PRPSAP2: variants seen among roughly 807,000 people sequenced by gnomAD.
PRPSAP2 encodes phosphoribosyl pyrophosphate synthetase associated protein 2.
Under a neutral mutation model 40.6 loss-of-function variants are expected in PRPSAP2, and 24 were observed. That is an observed-to-expected ratio of 0.59 (90% CI 0.43 to 0.83). The LOEUF (loss-of-function observed/expected upper bound fraction) is 0.83, where lower values mean the gene tolerates loss of function less well. PRPSAP2 is among the 40% of genes least tolerant of loss of function. PRPSAP2 has a pLI of 0.00. For missense variants in PRPSAP2, 292 were observed against 465.6 expected, an observed-to-expected ratio of 0.63 and a Z score of 3.43; for synonymous variants, 149 against 164.7, an observed-to-expected ratio of 0.90 and a Z score of 0.73.
intron 7 of PRPSAP2, among the ~76,000 whole-genome samples, chr17:18,885,403 C>CAAAAA (rs775079199): frequency 0.022 from 234 of 10,580 alleles, 66 homozygotes; most frequent in Non-Finnish European, 0.036. Flanking sequence ...TTCCTTCTCA[C>CAAAAA]AAAAAAAAAA....
intron 9 of PRPSAP2, 114 bp from the exon 10 acceptor site, chr17:18,923,798 AAT>A: frequency 1.0e-6 from 1 of 961,522 alleles, no homozygotes; most frequent in Non-Finnish European, 1.5e-6. Flanking sequence ...AGATTGAGGA[AAT>A]TCCCTTGTAT....
At chr17:18,870,247 G>A (rs2037761971) in intron 4 of PRPSAP2, among the ~76,000 whole-genome samples, 1 of 152,032 alleles carries the variant, frequency 6.6e-6, no homozygotes, top group South Asian at 2.1e-4. Context: ...TTGAAATTAA[G>A]TGCAGGCCGG....
chr17:18,880,611 G>A (rs1419142378), intron 6 of PRPSAP2, among the ~76,000 whole-genome samples: 1 of 152,086 alleles, frequency 6.6e-6, no homozygotes, highest in African/African-American at 2.4e-5. Flanking sequence ...GTCTCACCAT[G>A]TGGCCCAGGC....
chr17:18,909,766 G>A (rs966314796), intron 8 of PRPSAP2, among the ~76,000 whole-genome samples: 6 of 151,892 alleles, frequency 4.0e-5, no homozygotes, highest in Admixed American at 6.6e-5. Flanking sequence ...TTAGCCAGGC[G>A]TGGTGGCACG....
intron 8 of PRPSAP2, among the ~76,000 whole-genome samples, chr17:18,903,277 A>C (rs1484293839): frequency 6.6e-6 from 1 of 151,476 alleles, no homozygotes; most frequent in East Asian, 1.9e-4. Flanking sequence ...GTGCCATTGC[A>C]CTCCAGCCTA....
intron 7 of PRPSAP2, among the ~76,000 whole-genome samples, chr17:18,887,519 G>A (rs78688343): frequency 0.085 from 13,006 of 152,170 alleles, 643 homozygotes; most frequent in African/African-American, 0.13. Context: ...ATGAGCCACC[G>A]TGCCTGGCCA....
At chr17:18,874,633 C>T (rs1340776588) in intron 5 of PRPSAP2, among the ~76,000 whole-genome samples, 1 of 152,174 alleles carries the variant, frequency 6.6e-6, no homozygotes, top group Non-Finnish European at 1.5e-5. Flanking sequence ...TGCCACGGTG[C>T]CCTAGCTTCA....
chr17:18,885,771 G>A (rs910830796), intron 7 of PRPSAP2, among the ~76,000 whole-genome samples: 3 of 152,022 alleles, frequency 2.0e-5, no homozygotes, highest in African/African-American at 7.2e-5. Flanking sequence ...ATTTTTAGTA[G>A]AGACAGGGTT....
intron 9 of PRPSAP2, among the ~76,000 whole-genome samples, chr17:18,914,445 A>C (rs960290530): frequency 3.4e-5 from 5 of 146,518 alleles, no homozygotes; most frequent in South Asian, 4.3e-4. Flanking sequence ...TTTTTGGTAG[A>C]GACGGGGTCT....
chr17:18,905,054 G>A (rs1204730803), intron 8 of PRPSAP2: 2 of 152,096 alleles, frequency 1.3e-5, no homozygotes, highest in Non-Finnish European at 2.9e-5. Context: ...ACAGAGTCTT[G>A]CTGTTGTCGC....
rs532539232 is a variant in PRPSAP2, at chr17:18,885,922, C to A, written c.528+3239C>A. Among the ~76,000 whole-genome samples the A allele has an allele frequency of 1.0e-3, 153 of 152,140 alleles. 1 individual carries two copies. The highest frequency in any genetic ancestry group is 3.3e-3 in the African/African-American group (138 of 41,486). On this transcript the variant is annotated intron_variant, in intron 7 of 11. Transcript: ENST00000268835. ...GTTTTTAGTAGAGATAGGGTTTCAC[C>A]GTGTTGGCCAGGCTGGTCTTGAACT...
chr17:18,921,088 T>A (rs963752440), intron 9 of PRPSAP2, among the ~76,000 whole-genome samples: 3 of 152,078 alleles, frequency 2.0e-5, no homozygotes, highest in Non-Finnish European at 4.4e-5. Context: ...CCTCCCAGGC[T>A]CAAGCGATTT....
At chr17:18,885,306 A>G (rs1427203779) in intron 7 of PRPSAP2, among the ~76,000 whole-genome samples, 1 of 146,654 alleles carries the variant, frequency 6.8e-6, no homozygotes, top group African/African-American at 2.5e-5. Context: ...GAGGATGAGA[A>G]GTGGGAGGAT....
chr17:18,868,324 A>C (rs967001852), intron 4 of PRPSAP2, among the ~76,000 whole-genome samples: 2 of 151,850 alleles, frequency 1.3e-5, no homozygotes, highest in Non-Finnish European at 2.9e-5. Context: ...AAAATACAAA[A>C]ATTTGCTGGG....
chr17:18,922,804 G>T (rs1483026927), intron 9 of PRPSAP2, among the ~76,000 whole-genome samples: 2 of 149,724 alleles, frequency 1.3e-5, no homozygotes, highest in East Asian at 3.9e-4. Flanking sequence ...CCCCTAAGTA[G>T]CTGTGACTAC....
Position 18,877,746 on chromosome 17 carries a change from T to C in PRPSAP2, c.288T>C (p.Cys96=). The C allele has an allele frequency of 6.2e-7, 1 of 1,613,978 alleles. No homozygotes were observed. Residue 96 remains cysteine (C), a synonymous_variant, in exon 6 of 12, where the codon TGT becomes TGC. Transcript: ENST00000268835. ...IMELLIMVYA[C]KTSCAKSIIG... ...AGCTCCTGATCATGGTGTATGCATG[T>C]AAGACCTCTTGTGCCAAGAGCATCA...
At chr17:18,928,778 C>T (rs1296311884) in intron 10 of PRPSAP2, 33 bp from the exon 11 acceptor site, 1 of 1,611,174 alleles carries the variant, frequency 6.2e-7, no homozygotes, top group South Asian at 1.1e-5. Flanking sequence ...TAGAAGTGCT[C>T]ATATACATTC....
chr17:18,886,706 C>T (rs548936876), intron 7 of PRPSAP2, among the ~76,000 whole-genome samples: 51 of 152,110 alleles, frequency 3.4e-4, no homozygotes, highest in South Asian at 4.1e-4. Flanking sequence ...TGTTGCCTTC[C>T]GCTGCACTGC....
rs367595675 is a variant in PRPSAP2 at position 18,928,828 on chromosome 17, T to C, written c.822T>C (p.Asp274=). The C allele has an allele frequency of 3.7e-6, 6 of 1,613,882 alleles. No homozygotes were observed. Among genetic ancestry groups the C allele is most frequent in the Non-Finnish European group, 5.1e-6 (6 of 1,179,898 alleles). The change falls in exon 11 of 12, where the codon GAT becomes GAC. Residue 274 remains aspartate, a synonymous_variant. Transcript: ENST00000268835. The part of the protein sequence containing the change: ...IAIIVDDIID[D]VDSFLAAAET... ...TTTGGCAGGATGACATCATTGATGA[T>C]GTTGACAGCTTTCTTGCTGCAGCAG...
Sources: gnomAD v4.1 joint callset for allele counts (sites outside exome capture counted in the v4.1 genomes callset) on GRCh38, gnomAD v4.1.1 for gene constraint, MANE v1.5 for transcripts, NCBI Gene and HGNC (gene_info 2026-07-23, HGNC 2026-07-21) for gene names.